NUCB2: variants seen among roughly 807,000 people sequenced by gnomAD.
The protein encoded by NUCB2 is nucleobindin-2.
In NUCB2, 48 loss-of-function variants were observed where a neutral mutation model predicts 57.9. That is an observed-to-expected ratio of 0.83 (90% CI 0.66 to 1.05). NUCB2 has a LOEUF of 1.05. Ranked by LOEUF, NUCB2 falls within the 50% of genes least tolerant of loss-of-function variation. The probability of loss-of-function intolerance (pLI) is 0.00; values close to 1 mark genes in which losing one functional copy is unlikely to be tolerated. For synonymous variants in NUCB2, 139 were observed against 152.1 expected (o/e 0.91, Z 0.64); for missense variants, 442 against 476.2 (o/e 0.93, Z 0.67).
intron 2 of NUCB2, among the ~76,000 whole-genome samples, chr11:17,288,946 CACACAT>C (rs1252011533): frequency 0.014 from 889 of 64,680 alleles, 107 homozygotes; most frequent in South Asian, 0.027. Flanking sequence ...CACACACACA[CACACAT>C]ATATATATAT....
At chr11:17,297,260 T>A (rs577022853) in intron 4 of NUCB2, among the ~76,000 whole-genome samples, 3 of 152,300 alleles carry the variant, frequency 2.0e-5, no homozygotes, top group Admixed American at 6.5e-5. Context: ...TTTTCTAGAA[T>A]CAGAATAAGA....
At position 17,316,146 on chromosome 11, in the gene NUCB2, A is replaced by G. The variant is rs200091403; in HGVS notation, c.1002+671A>G. On this transcript the variant is annotated intron_variant, in intron 11 of 13. Transcript: ENST00000529010. ...GCCACCACGCCCGGCTAATTTTTGT[A>G]TTTTTAGTAGAGATGGGGTTTCACC... is the stretch of plus-strand genomic sequence containing the variant. 3.3e-5 allele frequency among the ~76,000 whole-genome samples: 5 copies of G among 151,916 alleles called. No homozygotes were observed. The East Asian group carries it at 5.8e-4, about 18-fold the overall frequency.
chr11:17,317,274 G>A (rs2139106077), intron 11 of NUCB2, among the ~76,000 whole-genome samples: 1 of 151,812 alleles, frequency 6.6e-6, no homozygotes, highest in South Asian at 2.1e-4. Flanking sequence ...TAATTATGTT[G>A]TAATGTATAT....
chr11:17,283,207 A>C (rs76927671), intron 2 of NUCB2, among the ~76,000 whole-genome samples: 1 of 152,310 alleles, frequency 6.6e-6, no homozygotes, highest in East Asian at 1.9e-4. Context: ...TTGTATGTCC[A>C]AGATAGCTGC....
chr11:17,297,307 A>G (rs558469476), intron 4 of NUCB2, among the ~76,000 whole-genome samples: 19 of 151,958 alleles, frequency 1.3e-4, no homozygotes, highest in Middle Eastern at 3.4e-3. Context: ...GGTCAAACAA[A>G]CCTTTTATTT....
At chr11:17,288,295 T>G (rs1228640832) in intron 2 of NUCB2, among the ~76,000 whole-genome samples, 1 of 152,174 alleles carries the variant, frequency 6.6e-6, no homozygotes, top group Non-Finnish European at 1.5e-5. Context: ...TGGCAGCATT[T>G]TTTTCTATAT....
chr11:17,313,597 C>G (rs571550098), intron 10 of NUCB2, among the ~76,000 whole-genome samples: 150 of 152,026 alleles, frequency 9.9e-4, no homozygotes, highest in African/African-American at 3.4e-3. Context: ...TGGTTACTGC[C>G]TCATTTCTCT....
chr11:17,337,340 T>C (rs924979462), intron 1 of NUCB2: 1 of 152,222 alleles, frequency 6.6e-6, no homozygotes, highest in African/African-American at 2.4e-5. Context: ...TTCATCTTTG[T>C]TTTATAGCCA....
At chr11:17,286,102 T>C (rs1205964340) in intron 2 of NUCB2, among the ~76,000 whole-genome samples, 4 of 152,182 alleles carry the variant, frequency 2.6e-5, no homozygotes, top group Non-Finnish European at 5.9e-5. Context: ...GGCGTGACCA[T>C]GGCTCACTGC....
intron 11 of NUCB2, among the ~76,000 whole-genome samples, chr11:17,327,956 G>C (rs1271194234): frequency 6.6e-6 from 1 of 152,132 alleles, no homozygotes; most frequent in Non-Finnish European, 1.5e-5. Context: ...ATTTGGTTAG[G>C]TCATGTTTTC....
intron 2 of NUCB2, among the ~76,000 whole-genome samples, chr11:17,286,156 C>T (rs1018151018): frequency 1.3e-5 from 2 of 152,124 alleles, no homozygotes; most frequent in African/African-American, 4.8e-5. Flanking sequence ...ACCTCATCCC[C>T]CACCAAGTAG....
At position 17,311,273 on chromosome 11, in the gene NUCB2, C is replaced by T; in HGVS notation, c.750C>T (p.Phe250=). ...DPNDFDPKTF[F]KLHDVNSDGF... Reference sequence around the variant, plus strand: ...ATGACTTTGACCCCAAGACATTTTTCAAATTACATGGTAACGATTTGATAC... The same window carrying T: ...ATGACTTTGACCCCAAGACATTTTTTAAATTACATGGTAACGATTTGATAC... Residue 250 remains phenylalanine (F), a synonymous_variant, in exon 8 of 14, where the codon TTC becomes TTT. Coordinates refer to ENST00000529010, the MANE Select transcript of NUCB2 (RefSeq NM_005013.4). 1 of 1,596,902 alleles carries T rather than the reference C, an allele frequency of 6.3e-7. No individual in the cohort carries two copies.
chr11:17,277,245 T>C (rs1477417253), intron 1 of NUCB2: 1 of 152,276 alleles, frequency 6.6e-6, no homozygotes, highest in East Asian at 1.9e-4. Context: ...GGGATCCTGC[T>C]CTTCTCCGGT....
Position 17,315,409 on chromosome 11 carries a change from G to A in NUCB2, c.936G>A (p.Leu312=), listed in dbSNP as rs1314407131. 2 of 1,608,454 alleles carry A rather than the reference G, an allele frequency of 1.2e-6. No homozygotes were observed. Among genetic ancestry groups the A allele is most frequent in the Non-Finnish European group, 1.7e-6 (2 of 1,175,986 alleles). ...MNEVDTNKDR[L]VTLEEFLKAT... is the part of the protein sequence containing the mutation. ...AGGTTGATACTAACAAAGACAGATT[G>A]GTGACTCTGGAGGAGTTTTTGAAAG... is the stretch of plus-strand genomic sequence containing the variant. Residue 312 remains leucine (L), a synonymous_variant, in exon 11 of 14, where the codon TTG becomes TTA. Coordinates refer to ENST00000529010, the MANE Select transcript of NUCB2 (RefSeq NM_005013.4).
chr11:17,277,539 A>G (rs970725519), intron 1 of NUCB2, among the ~76,000 whole-genome samples: 1 of 151,894 alleles, frequency 6.6e-6, no homozygotes, highest in East Asian at 1.9e-4. Context: ...GGGAATGAGA[A>G]TGAACGGGAA....
chr11:17,279,193 AAAAAC>A (rs1942019623), intron 1 of NUCB2, among the ~76,000 whole-genome samples: 1 of 152,230 alleles, frequency 6.6e-6, no homozygotes, highest in South Asian at 2.1e-4. Flanking sequence ...ACTACGTCTC[AAAAAC>A]AAAACAAAAA....
At chr11:17,341,993 A>C (rs1269555036) in intron 2 of NUCB2, among the ~76,000 whole-genome samples, 1 of 151,966 alleles carries the variant, frequency 6.6e-6, no homozygotes, top group Non-Finnish European at 1.5e-5. Flanking sequence ...TCAATTTCAG[A>C]GCCTGTTATT....
intron 11 of NUCB2, among the ~76,000 whole-genome samples, chr11:17,325,646 T>C (rs1467805940): frequency 1.3e-5 from 2 of 152,200 alleles, no homozygotes; most frequent in African/African-American, 4.8e-5. Flanking sequence ...TATGTCTTGA[T>C]TGAAAAGTTT....
chr11:17,335,801 A>G (rs1399975029), downstream of NUCB2, among the ~76,000 whole-genome samples: 3 of 151,496 alleles, frequency 2.0e-5, no homozygotes, highest in Non-Finnish European at 4.4e-5. Context: ...CGCCCAGCCT[A>G]TTATTCCTAA....
Sources: gnomAD v4.1 joint callset for allele counts (sites outside exome capture counted in the v4.1 genomes callset) on GRCh38, gnomAD v4.1.1 for gene constraint, MANE v1.5 for transcripts, NCBI Gene and HGNC (gene_info 2026-07-23, HGNC 2026-07-21) for gene names.